OPRL1: variants seen among roughly 807,000 people sequenced by gnomAD.
OPRL1 encodes the protein opioid related nociceptin receptor 1, also known as nociceptin receptor.
OPRL1 carries 5 observed loss-of-function variants against 15.5 expected under a neutral mutation model. The ratio of observed to expected loss-of-function variants is 0.32; its 90% CI spans 0.17 to 0.68. The LOEUF is 0.68. Ranked by LOEUF, OPRL1 falls within the 30% of genes least tolerant of loss-of-function variation. OPRL1 has a pLI of 0.72. For synonymous variants in OPRL1, 223 were observed against 230.2 expected (o/e 0.97, Z 0.28); for missense variants, 406 against 515.3 (o/e 0.79, Z 2.05).
At position 64,098,517 on chromosome 20, in the gene OPRL1, G is replaced by T. The variant is rs144338110; in HGVS notation, c.831G>T (p.Thr277=). 22 of 1,612,890 alleles carry T rather than the reference G, an allele frequency of 1.4e-5. No individual in the cohort carries two copies. In the African/African-American group the frequency reaches 2.7e-4, roughly 20 times the overall value. The change falls in exon 5 of 5, where the codon ACG becomes ACT. Residue 277 remains threonine (T), a synonymous_variant. Coordinates refer to ENST00000336866, the MANE Select transcript of OPRL1 (RefSeq NM_182647.4). ...TGGCTGTGTTCGTGGGCTGCTGGAC[G>T]CCTGTCCAGGTCTTCGTGCTGGCCC... The part of the protein sequence containing the change: ...VVVAVFVGCW[T]PVQVFVLAQG...
chr20:64,092,999 G>T (rs1181019423), intron 3 of OPRL1, 46 bp downstream of exon 3: 1 of 1,542,554 alleles, frequency 6.5e-7, no homozygotes, highest in Non-Finnish European at 8.9e-7. Context: ...CCACACGGCT[G>T]CAGAGGGGGA....
intron 1 of OPRL1, among the ~76,000 whole-genome samples, chr20:64,085,980 C>T (rs540099304): frequency 1.2e-4 from 18 of 152,214 alleles, no homozygotes; most frequent in Non-Finnish European, 2.4e-4. Flanking sequence ...GGTGCTGTTC[C>T]CTCCCCTCCT....
rs111600023 is a variant in OPRL1, at chr20:64,098,426, T to A, written c.740T>A (p.Leu247Gln). The A allele has an allele frequency of 1.5e-5, 25 of 1,613,560 alleles. No individual in the cohort carries two copies. The South Asian group carries it at 2.4e-4, about 16-fold the overall frequency. Residue 247 changes from leucine to glutamine, a missense_variant, in exon 5 of 5, where the codon CTG (leucine) becomes CAG (glutamine). Leu to Gln is a moderately radical substitution (Grantham distance 113, BLOSUM62 -2). Transcript: ENST00000336866. ...LMIRRLRGVR[L>Q]LSGSREKDRN... ...ATCCGGCGGCTCCGTGGAGTCCGCC[T>A]GCTCTCGGGCTCCCGAGAGAAGGAC...
Position 64,089,461 on chromosome 20 carries a change from C to T in OPRL1, c.-184-2505C>T, listed in dbSNP as rs902880783. 6.6e-6 allele frequency among the ~76,000 whole-genome samples: 1 copy of T among 152,018 alleles called. No homozygotes were observed. Among genetic ancestry groups the T allele is most frequent in the African/African-American group, 2.4e-5 (1 of 41,394 alleles). ...GGGAGCTAGGTCTGACCTCGTCCCC[C>T]CTCCTTTCTTCCTGTCCTCCTATCC... On this transcript the variant is annotated intron_variant, in intron 1 of 4. Coordinates refer to ENST00000336866, the MANE Select transcript of OPRL1 (RefSeq NM_182647.4). This position sits in a 1 kb window ranked among gnomAD's most constrained non-coding sequence, Gnocchi z 5.5.
chr20:64,098,904 C>T lies in OPRL1; in HGVS notation c.*105C>T. On this transcript the variant is annotated 3_prime_UTR_variant, in exon 5 of 5. Coordinates refer to ENST00000336866, the MANE Select transcript of OPRL1 (RefSeq NM_182647.4). ...CTCTCTAGGCGGACACACCCTGGGC[C>T]CTGAGCATCCAGAGCCTGGGATGGG... 7.1e-7 allele frequency: 1 copy of T among 1,404,120 alleles called. No individual in the cohort carries two copies. Among genetic ancestry groups the T allele is most frequent in the Non-Finnish European group, 9.4e-7 (1 of 1,063,954 alleles). The allele number at this position is 1,404,120 out of a possible 1,614,324, so 87.0% of individuals were successfully genotyped here.
Position 64,083,525 on chromosome 20 carries a change from G to A in OPRL1, c.-185+3173G>A, listed in dbSNP as rs2059994012. 6.4e-7 allele frequency: 1 copy of A among 1,565,714 alleles called. No individual in the cohort carries two copies. The highest frequency in any genetic ancestry group is 1.4e-5 in the African/African-American group (1 of 73,536). On this transcript the variant is annotated intron_variant, in intron 1 of 4. Transcript: ENST00000336866. The surrounding 1 kb of genome is among the most constrained non-coding windows in gnomAD (Gnocchi z 4.9). ...GGGGAGAGAGGCTGGGGTCCGGCGT[G>A]TGCGGAGGCGGGCAGGGCCCCTCCC...
intron 1 of OPRL1, 59 bp downstream of exon 1, chr20:64,080,411 G>GTTTTACAC (rs1266630644): frequency 1.3e-5 from 2 of 152,320 alleles, no homozygotes; most frequent in Non-Finnish European, 2.9e-5. Flanking sequence ...ACTGGGTTAA[G>GTTTTACAC]AGCCGCCTGT....
In OPRL1 at chr20:64,089,537, CTT is replaced by C. The variant is rs1480911209; in HGVS notation, c.-184-2428_-184-2427del. Among the ~76,000 whole-genome samples the C allele has an allele frequency of 6.6e-6, 1 of 152,152 alleles. No homozygotes were observed. Among genetic ancestry groups the C allele is most frequent in the Non-Finnish European group, 1.5e-5 (1 of 68,024 alleles). On this transcript the variant is annotated intron_variant, in intron 1 of 4. Transcript: ENST00000336866. The surrounding 1 kb of genome is among the most constrained non-coding windows in gnomAD (Gnocchi z 5.5). ...CCATCCTTCCTTACCCATCCTCTCT[CTT>C]GATCTCTCCATACTTCCTCCCCACT... is the stretch of plus-strand genomic sequence containing the variant.
At chr20:64,096,918 C>T (rs568683998) in intron 3 of OPRL1, among the ~76,000 whole-genome samples, 2 of 152,174 alleles carry the variant, frequency 1.3e-5, no homozygotes, top group African/African-American at 4.8e-5. Flanking sequence ...CCATCATCAC[C>T]ATCACCACTA....
intron 1 of OPRL1, among the ~76,000 whole-genome samples, chr20:64,085,334 A>G (rs112997674): frequency 2.6e-5 from 4 of 152,268 alleles, no homozygotes; most frequent in African/African-American, 9.6e-5. Flanking sequence ...TGGTGTTCAC[A>G]GAAAGGGATA....
intron 1 of OPRL1, among the ~76,000 whole-genome samples, chr20:64,087,671 G>A (rs2060063731): frequency 6.6e-6 from 1 of 152,190 alleles, no homozygotes; most frequent in African/African-American, 2.4e-5. Context: ...TCGTGTCTTG[G>A]GCTATCCCTA....
chr20:64,088,756 GCCAGGATCTGT>G (rs2060087311), intron 1 of OPRL1, among the ~76,000 whole-genome samples: 1 of 122,790 alleles, frequency 8.1e-6, no homozygotes, highest in Non-Finnish European at 1.7e-5. Flanking sequence ...GTGCAGAGTG[GCCAGGATCTGT>G]GCAGGGAGGG....
At chr20:64,098,212 C>T (rs1979416019) in intron 4 of OPRL1, 55 bp downstream of exon 4, 4 of 1,603,900 alleles carry the variant, frequency 2.5e-6, no homozygotes, top group Non-Finnish European at 3.4e-6. Flanking sequence ...CCGGGTGGCT[C>T]CTCTGGGCCC....
intron 1 of OPRL1, among the ~76,000 whole-genome samples, chr20:64,085,470 A>G (rs1470593589): frequency 8.5e-5 from 13 of 152,182 alleles, no homozygotes; most frequent in Non-Finnish European, 1.8e-4. Flanking sequence ...GGTCCTAGAT[A>G]CTAGATTTTG....
At chr20:64,081,284 C>T (rs1309228338) in intron 1 of OPRL1, among the ~76,000 whole-genome samples, 1 of 152,218 alleles carries the variant, frequency 6.6e-6, no homozygotes, top group Non-Finnish European at 1.5e-5. Flanking sequence ...AAGAGGCAGG[C>T]TGCTACTTAT....
chr20:64,081,778 C>T (rs2059970604), intron 1 of OPRL1, among the ~76,000 whole-genome samples: 1 of 152,168 alleles, frequency 6.6e-6, no homozygotes, highest in African/African-American at 2.4e-5. Context: ...CATCCAGCAC[C>T]CCCTGCGCCT....
intron 1 of OPRL1, among the ~76,000 whole-genome samples, chr20:64,087,130 C>G (rs549440873): frequency 2.6e-5 from 4 of 151,890 alleles, no homozygotes; most frequent in Admixed American, 1.3e-4. Context: ...CGCGTGTCAT[C>G]GTTCGTGTCT....
rs147804138 is a variant in OPRL1 at position 64,098,561 on chromosome 20, C to T, written c.875C>T (p.Pro292Leu). 1.4e-5 allele frequency: 23 copies of T among 1,612,668 alleles called. No homozygotes were observed. Among genetic ancestry groups the T allele is most frequent in the African/African-American group, 9.3e-5 (7 of 74,926 alleles). Residue 292 changes from proline (P) to leucine (L), a missense_variant, in exon 5 of 5, where the codon CCG becomes CTG. By Grantham distance (98) the Pro-to-Leu change is moderately conservative. Coordinates refer to ENST00000336866, the MANE Select transcript of OPRL1 (RefSeq NM_182647.4). Reference protein sequence around the residue: ...FVLAQGLGVQPSSETAVAILR... With the variant: ...FVLAQGLGVQLSSETAVAILR... The stretch of plus-strand genomic sequence containing the variant: ...CTGGCCCAAGGGCTGGGGGTTCAGC[C>T]GAGCAGCGAGACTGCCGTGGCCATT...
rs2060107536 is a variant in OPRL1, at chr20:64,090,382, G to C, written c.-184-1584G>C. On this transcript the variant is annotated intron_variant, in intron 1 of 4. Transcript: ENST00000336866. This position sits in a 1 kb window ranked among gnomAD's most constrained non-coding sequence, Gnocchi z 4.9. ...ATCCTGGGGGACAGCGAGGGATGCTGGGTCCTGGGGCATCTGCCTGTTCCG... is the reference window on the plus strand; with the variant it reads ...ATCCTGGGGGACAGCGAGGGATGCTCGGTCCTGGGGCATCTGCCTGTTCCG... Among the ~76,000 whole-genome samples the C allele has an allele frequency of 6.6e-6, 1 of 152,204 alleles. No homozygotes were observed.
Sources: allele counts gnomAD v4.1 joint callset (sites outside exome capture counted in the v4.1 genomes callset), GRCh38; gene constraint gnomAD v4.1.1; non-coding constraint Gnocchi (gnomAD v3.1); transcripts MANE v1.5; gene names NCBI Gene and HGNC (gene_info 2026-07-23, HGNC 2026-07-21).